The following CAMK2D variants were observed in gnomAD, a reference collection of about 807,000 sequenced individuals.
CAMK2D encodes the protein calcium/calmodulin dependent protein kinase II delta, also known as calcium/calmodulin-dependent protein kinase type II subunit delta.
In CAMK2D, 37 loss-of-function variants were observed where a neutral mutation model predicts 84.0. The ratio of observed to expected loss-of-function variants is 0.44; its 90% CI spans 0.34 to 0.58. CAMK2D has a LOEUF of 0.58. CAMK2D is among the 20% of genes least tolerant of loss of function. CAMK2D has a pLI of 0.02. For synonymous variants in CAMK2D, 202 were observed against 212.5 expected (o/e 0.95, Z 0.43); for missense variants, 448 against 652.5 (o/e 0.69, Z 3.41).
intron 4 of CAMK2D, among the ~76,000 whole-genome samples, chr4:113,600,725 C>T (rs535282935): frequency 4.6e-5 from 7 of 152,164 alleles, no homozygotes; most frequent in Admixed American, 3.9e-4. Context: ...CTTGATGAAC[C>T]GGGCTCAAGT....
At chr4:113,573,884 T>G (rs974880125) in intron 4 of CAMK2D, among the ~76,000 whole-genome samples, 2 of 152,192 alleles carry the variant, frequency 1.3e-5, no homozygotes, top group Non-Finnish European at 2.9e-5. Context: ...ACTTCTTCAC[T>G]GGCTTCTTCT....
intron 3 of CAMK2D, among the ~76,000 whole-genome samples, chr4:113,623,400 ACACC>A (rs969197697): frequency 5.8e-4 from 88 of 152,186 alleles, no homozygotes; most frequent in Middle Eastern, 3.4e-3. Flanking sequence ...ACACACACAC[ACACC>A]CACACAGACA....
chr4:113,716,141 C>G (rs963146285), intron 2 of CAMK2D, among the ~76,000 whole-genome samples: 1 of 152,062 alleles, frequency 6.6e-6, no homozygotes, highest in South Asian at 2.1e-4. Context: ...AGATATGGAT[C>G]GCAACTCAAT....
chr4:113,698,526 CATT>C (rs2099409537), intron 2 of CAMK2D, among the ~76,000 whole-genome samples: 1 of 152,048 alleles, frequency 6.6e-6, no homozygotes, highest in South Asian at 2.1e-4. Flanking sequence ...TAGCTATCCT[CATT>C]ATTATTATCT....
At chr4:113,695,363 T>C (rs989425522) in intron 2 of CAMK2D, among the ~76,000 whole-genome samples, 24 of 152,106 alleles carry the variant, frequency 1.6e-4, no homozygotes, top group African/African-American at 5.1e-4. Context: ...ACCTCTCTAC[T>C]CCTCCCCTGA....
chr4:113,681,535 T>C lies in CAMK2D; in HGVS notation c.161-19763A>G, dbSNP rs543608811. The stretch of plus-strand genomic sequence containing the variant: ...TTGCCCAGTCTTGGGCAGTTCTTAA[T>C]AGCACCATGAAAATGGACTAATATA... On this transcript the variant is annotated intron_variant, in intron 2 of 20. Transcript: ENST00000511664. Among the ~76,000 whole-genome samples the C allele has an allele frequency of 1.3e-3, 200 of 152,292 alleles. 4 individuals are homozygous for C. The highest frequency in any genetic ancestry group is 0.012 in the Admixed American group (189 of 15,294).
chr4:113,707,175 G>C (rs1040718849), intron 2 of CAMK2D, among the ~76,000 whole-genome samples: 3 of 152,218 alleles, frequency 2.0e-5, no homozygotes, highest in Admixed American at 1.3e-4. Context: ...AATTAGTTTA[G>C]AAACTCTGAG....
chr4:113,598,260 T>C (rs1297521466), intron 4 of CAMK2D, among the ~76,000 whole-genome samples: 4 of 152,064 alleles, frequency 2.6e-5, no homozygotes, highest in South Asian at 4.1e-4. Context: ...TGATCTTTGA[T>C]AAAAGAGCAA....
chr4:113,561,791 G>A (rs1190883467), intron 4 of CAMK2D, among the ~76,000 whole-genome samples: 1 of 152,212 alleles, frequency 6.6e-6, no homozygotes, highest in Non-Finnish European at 1.5e-5. Context: ...TTTGTCAGTA[G>A]CTAAGAAGTG....
intron 1 of CAMK2D, among the ~76,000 whole-genome samples, chr4:113,760,708 C>T (rs2149191255): frequency 6.6e-6 from 1 of 152,248 alleles, no homozygotes; most frequent in Non-Finnish European, 1.5e-5. Context: ...AGGATGATAG[C>T]TACAACTGCA....
intron 2 of CAMK2D, among the ~76,000 whole-genome samples, chr4:113,747,552 G>A (rs1450288278): frequency 6.6e-6 from 1 of 151,982 alleles, no homozygotes; most frequent in African/African-American, 2.4e-5. Context: ...AGAAACTTAT[G>A]AACTTTTTTA....
intron 2 of CAMK2D, among the ~76,000 whole-genome samples, chr4:113,675,679 A>G (rs141446623): frequency 6.6e-6 from 1 of 152,348 alleles, no homozygotes; most frequent in East Asian, 1.9e-4. Context: ...CTACTATGTA[A>G]TTAATGTAGA....
chr4:113,652,353 G>C (rs2099177025), intron 3 of CAMK2D, among the ~76,000 whole-genome samples: 1 of 152,158 alleles, frequency 6.6e-6, no homozygotes, highest in South Asian at 2.1e-4. Context: ...ATTAGTTCTA[G>C]TGGTGAAGTT....
Position 113,503,782 on chromosome 4 carries a change from C to T in CAMK2D, c.1045-805G>A, listed in dbSNP as rs146072307. On this transcript the variant is annotated intron_variant, in intron 14 of 20. Transcript: ENST00000511664. Reference sequence around the variant, plus strand: ...TTCTATCAGAAAGCAAAGAAATATTCCCAAGTGGAGAATAACATTCAAATA... The same window carrying T: ...TTCTATCAGAAAGCAAAGAAATATTTCCAAGTGGAGAATAACATTCAAATA... Among the ~76,000 whole-genome samples the T allele has an allele frequency of 1.1e-4, 16 of 152,078 alleles. No individual in the cohort carries two copies. The East Asian group carries it at 3.1e-3, about 29-fold the overall frequency.
chr4:113,721,404 G>C (rs563427807), intron 2 of CAMK2D, among the ~76,000 whole-genome samples: 9 of 152,260 alleles, frequency 5.9e-5, no homozygotes, highest in Admixed American at 2.6e-4. Context: ...AAAAGGCAGA[G>C]AGGGGATATT....
Position 113,743,551 on chromosome 4 carries a change from TTCTC to T in CAMK2D, c.160+15765_160+15768del, listed in dbSNP as rs2099597620. 2.0e-5 allele frequency among the ~76,000 whole-genome samples: 3 copies of T among 152,186 alleles called. No individual in the cohort carries two copies. The South Asian group carries it at 6.2e-4, about 32-fold the overall frequency. ...TCTCAGCAGAACTATAACTGCCCTC[TTCTC>T]CACCTCAAAACCTTTCGGTATGTGC... On this transcript the variant is annotated intron_variant, in intron 2 of 20. Transcript: ENST00000511664.
chr4:113,471,201 T>C (rs763817897), intron 16 of CAMK2D, among the ~76,000 whole-genome samples: 1 of 152,180 alleles, frequency 6.6e-6, no homozygotes, highest in Non-Finnish European at 1.5e-5. Context: ...ATTCAATTCT[T>C]TCTTTGTTTC....
At chr4:113,482,839 A>G (rs1170491027) in intron 16 of CAMK2D, among the ~76,000 whole-genome samples, 1 of 152,230 alleles carries the variant, frequency 6.6e-6, no homozygotes, top group African/African-American at 2.4e-5. Context: ...AATCAGTGGG[A>G]TAATATAGCT....
At chr4:113,668,785 A>G (rs577416421) in intron 2 of CAMK2D, among the ~76,000 whole-genome samples, 1 of 152,316 alleles carries the variant, frequency 6.6e-6, no homozygotes, top group Non-Finnish European at 1.5e-5. Flanking sequence ...CTCAAAAATA[A>G]TATAGAAAAA....
Sources: allele counts gnomAD v4.1 joint callset (sites outside exome capture counted in the v4.1 genomes callset), GRCh38; gene constraint gnomAD v4.1.1; transcripts MANE v1.5; gene names NCBI Gene and HGNC (gene_info 2026-07-23, HGNC 2026-07-21).